The following NCAM2 variants were observed in gnomAD, a reference collection of about 807,000 sequenced individuals.
NCAM2 encodes neural cell adhesion molecule 2, also known as N-CAM-2.
Under a neutral mutation model 98.1 loss-of-function variants are expected in NCAM2, and 30 were observed. The observed-to-expected ratio is 0.31, with a 90% CI of 0.23 to 0.41. NCAM2 has a LOEUF of 0.41. Among genes scored for constraint, NCAM2 ranks in the 10% least tolerant of loss-of-function variants. The pLI, the probability that NCAM2 is intolerant of heterozygous loss-of-function variation, is 1.00. For missense variants in NCAM2, 867 were observed against 1,005.8 expected, an observed-to-expected ratio of 0.86 and a Z score of 1.87; for synonymous variants, 368 against 342.4, an observed-to-expected ratio of 1.07 and a Z score of -0.83.
intron 1 of NCAM2, among the ~76,000 whole-genome samples, chr21:21,034,055 G>GT (rs889177083): frequency 6.6e-6 from 1 of 151,030 alleles, no homozygotes; most frequent in East Asian, 2.0e-4. Flanking sequence ...TAGGCAAAGG[G>GT]GGGGGGGAAA....
chr21:21,511,778 G>T (rs1286205479), intron 16 of NCAM2, among the ~76,000 whole-genome samples: 3 of 151,660 alleles, frequency 2.0e-5, no homozygotes, highest in Admixed American at 6.6e-5. Flanking sequence ...CTGTCTTTTG[G>T]ATACAAGCCA....
At position 21,265,412 on chromosome 21, in the gene NCAM2, A is replaced by G. The variant is rs1195977109; in HGVS notation, c.56-15166A>G. On this transcript the variant is annotated intron_variant, in intron 1 of 17. Coordinates refer to ENST00000400546, the MANE Select transcript of NCAM2 (RefSeq NM_004540.5). ...TACACACCATATATTATATATGTGT[A>G]TATATAATATATGTGTGTATATATA... Among the ~76,000 whole-genome samples the G allele has an allele frequency of 4.8e-5, 5 of 103,780 alleles. 1 individual carries two copies. The highest frequency in any genetic ancestry group is 1.7e-4 in the African/African-American group (4 of 23,900). The allele number at this position is 103,780 out of a possible 152,430, so 68.1% of individuals were successfully genotyped here. A position where few individuals can be genotyped will look rare whatever the true frequency, so the allele number is the denominator to read the frequency against.
chr21:21,530,152 T>C (rs1425813176), intron 16 of NCAM2, among the ~76,000 whole-genome samples: 1 of 142,514 alleles, frequency 7.0e-6, no homozygotes, highest in African/African-American at 2.5e-5. Flanking sequence ...AATTTAATTA[T>C]ATATGATTTA....
intron 1 of NCAM2, among the ~76,000 whole-genome samples, chr21:21,273,656 G>T (rs929181605): frequency 1.3e-5 from 2 of 152,020 alleles, no homozygotes; most frequent in African/African-American, 4.8e-5. Flanking sequence ...AGAAAGAATG[G>T]ATACTAGAAA....
At chr21:21,408,345 A>G (rs974785427) in intron 9 of NCAM2, among the ~76,000 whole-genome samples, 2 of 152,232 alleles carry the variant, frequency 1.3e-5, no homozygotes, top group Non-Finnish European at 2.9e-5. Context: ...ACCTAAGTAC[A>G]AAGATGTACC....
intron 9 of NCAM2, among the ~76,000 whole-genome samples, chr21:21,405,690 A>T (rs1256210622): frequency 9.2e-6 from 1 of 109,020 alleles, no homozygotes; most frequent in Non-Finnish European, 1.8e-5. Context: ...TAATTTCTTA[A>T]TCACAACTGT....
chr21:21,273,157 A>G (rs772796416), intron 1 of NCAM2, among the ~76,000 whole-genome samples: 2 of 152,210 alleles, frequency 1.3e-5, no homozygotes, highest in Non-Finnish European at 2.9e-5. Context: ...GCCAGTAGCA[A>G]TGACACAATC....
chr21:21,221,010 T>C (rs1397304004), intron 1 of NCAM2, among the ~76,000 whole-genome samples: 1 of 151,750 alleles, frequency 6.6e-6, no homozygotes, highest in Non-Finnish European at 1.5e-5. Context: ...CATGTCTCTG[T>C]GTCATGTTTC....
chr21:21,180,330 T>A (rs1199020153), intron 1 of NCAM2, among the ~76,000 whole-genome samples: 2 of 152,238 alleles, frequency 1.3e-5, no homozygotes, highest in East Asian at 3.8e-4. Context: ...CCATTTTTAA[T>A]CAGATCTATT....
In NCAM2 at chr21:21,324,473, C is replaced by T. The variant is rs2074459559; in HGVS notation, c.710C>T (p.Ser237Phe). The T allele has an allele frequency of 6.2e-7, 1 of 1,612,748 alleles. No homozygotes were observed. ...EMTFSCRASG[S>F]PEPAISWFRN... ...ACATTTTCCTGCAGGGCCTCAGGCT[C>T]TCCAGAACCCGCCATCTCCTGGTTC... The change falls in exon 6 of 18, where the codon TCT (serine) becomes TTT (phenylalanine). Residue 237 changes from serine (S) to phenylalanine (F), a missense_variant. By Grantham distance (155) the Ser-to-Phe change is radical (BLOSUM62 -2). This residue lies in a region of NCAM2 where 447 missense variants were observed against 495.7 expected (regional missense o/e 0.90). Transcript: ENST00000400546.
chr21:21,128,453 T>C (rs1036811101), intron 1 of NCAM2, among the ~76,000 whole-genome samples: 15 of 152,168 alleles, frequency 9.9e-5, no homozygotes, highest in African/African-American at 2.4e-5. Flanking sequence ...GAACTCTGCA[T>C]TTTGCTTGTA....
At chr21:21,239,433 A>G (rs372254888) in intron 1 of NCAM2, 1 of 152,140 alleles carries the variant, frequency 6.6e-6, no homozygotes, top group East Asian at 1.9e-4. Context: ...TGTAACCAGC[A>G]ATGTTCATAA....
At chr21:21,435,127 CTTTT>C (rs1219957767) in intron 12 of NCAM2, among the ~76,000 whole-genome samples, 1 of 152,176 alleles carries the variant, frequency 6.6e-6, no homozygotes, top group African/African-American at 2.4e-5. Flanking sequence ...AGCAGGATTT[CTTTT>C]AAGTGTGAAT....
chr21:21,495,132 G>GCCT (rs1251818035), intron 15 of NCAM2, among the ~76,000 whole-genome samples: 2 of 151,330 alleles, frequency 1.3e-5, no homozygotes, highest in African/African-American at 4.9e-5. Flanking sequence ...GGCCATGGGG[G>GCCT]GCTACTTAAA....
intron 1 of NCAM2, among the ~76,000 whole-genome samples, chr21:21,085,932 G>A (rs1312328407): frequency 6.6e-6 from 1 of 152,124 alleles, no homozygotes; most frequent in Non-Finnish European, 1.5e-5. Context: ...GAAAATCATA[G>A]GAGGAAATAA....
intron 1 of NCAM2, among the ~76,000 whole-genome samples, chr21:21,086,173 A>T (rs1210608271): frequency 6.6e-6 from 1 of 152,232 alleles, no homozygotes; most frequent in African/African-American, 2.4e-5. Context: ...TAAAAGAGAT[A>T]AAAAGTGAGG....
At chr21:21,090,732 C>A (rs756642316) in intron 1 of NCAM2, among the ~76,000 whole-genome samples, 12 of 152,116 alleles carry the variant, frequency 7.9e-5, no homozygotes, top group Non-Finnish European at 1.6e-4. Context: ...CTTAGTTGTT[C>A]TTTTGGAAAT....
At chr21:21,440,487 A>C (rs1412914804) in intron 12 of NCAM2, among the ~76,000 whole-genome samples, 1 of 151,958 alleles carries the variant, frequency 6.6e-6, no homozygotes, top group Non-Finnish European at 1.5e-5. Flanking sequence ...TTCAGGACCA[A>C]CCTGGGCAAC....
chr21:21,485,039 T>A (rs770461910), intron 15 of NCAM2, among the ~76,000 whole-genome samples: 3 of 152,154 alleles, frequency 2.0e-5, no homozygotes, highest in Non-Finnish European at 2.9e-5. Flanking sequence ...AGTATAAGTT[T>A]CCAACTTTAT....
Sources: allele counts gnomAD v4.1 joint callset (sites outside exome capture counted in the v4.1 genomes callset), GRCh38; gene constraint gnomAD v4.1.1; regional missense constraint gnomAD v4.1.1; transcripts MANE v1.5; gene names NCBI Gene and HGNC (gene_info 2026-07-23, HGNC 2026-07-21).